The following KCNK10 variants were observed in gnomAD, a reference collection of about 807,000 sequenced individuals.
The protein encoded by KCNK10 is potassium two pore domain channel subfamily K member 10, also known as potassium channel subfamily K member 10.
A neutral mutation model predicts 47.7 loss-of-function variants in KCNK10; 25 were observed. That is an observed-to-expected ratio of 0.52 (90% confidence interval 0.38 to 0.73). The LOEUF (loss-of-function observed/expected upper bound fraction) is 0.73. Ranked by LOEUF, KCNK10 falls within the 30% of genes least tolerant of loss-of-function variation. The pLI is 0.00. For synonymous variants in KCNK10, 303 were observed against 285.6 expected (o/e 1.06, Z -0.61); for missense variants, 563 against 714.5 (o/e 0.79, Z 2.42).
intron 1 of KCNK10, among the ~76,000 whole-genome samples, chr14:88,286,787 G>C (rs1406013379): frequency 6.6e-6 from 1 of 152,020 alleles, no homozygotes; most frequent in Non-Finnish European, 1.5e-5. Flanking sequence ...GAACAGTATG[G>C]GGGAACCGCC....
Position 88,184,673 on chromosome 14 carries a change from G to A in KCNK10, c.*862C>T, listed in dbSNP as rs1406148989. 1 of 152,300 alleles carries A rather than the reference G, an allele frequency of 6.6e-6. No homozygotes were observed. The highest frequency in any genetic ancestry group is 2.4e-5 in the African/African-American group (1 of 41,438). 9.4% of individuals were successfully genotyped at this position (152,300 alleles called of 1,614,324 possible). A position where few individuals can be genotyped will look rare whatever the true frequency, so the allele number is the denominator to read the frequency against. On this transcript the variant is annotated 3_prime_UTR_variant, in exon 7 of 7. Transcript: ENST00000319231. ...ATTTCTACCCCTCTTATCAAAACAA[G>A]TTATAACCAAAGTACATGGACATTT...
chr14:88,190,416 G>T (rs552580512), intron 5 of KCNK10, among the ~76,000 whole-genome samples: 1 of 152,114 alleles, frequency 6.6e-6, no homozygotes, highest in African/African-American at 2.4e-5. Flanking sequence ...CCCACGGACC[G>T]GCTACGGATG....
At chr14:88,285,562 C>T (rs1887743395) in intron 1 of KCNK10, among the ~76,000 whole-genome samples, 1 of 152,176 alleles carries the variant, frequency 6.6e-6, no homozygotes, top group South Asian at 2.1e-4. Flanking sequence ...GCCATTAGCA[C>T]AGGATCTTGC....
chr14:88,183,247 T>G lies in KCNK10; in HGVS notation c.*2288A>C, dbSNP rs1466381840. The G allele has an allele frequency of 6.6e-6, 1 of 152,258 alleles. No individual in the cohort carries two copies. Among genetic ancestry groups the G allele is most frequent in the Non-Finnish European group, 1.5e-5 (1 of 68,046 alleles). 9.4% of individuals were successfully genotyped at this position (152,258 alleles called of 1,614,324 possible). A position where few individuals can be genotyped will look rare whatever the true frequency, so the allele number is the denominator to read the frequency against. On this transcript the variant is annotated 3_prime_UTR_variant, in exon 7 of 7. Transcript: ENST00000319231. ...TGCAAATACTTCCCACATAGTGTCGTGAAGTTTCAATGAGCTGACGTTCAT... is the reference window on the plus strand; with the variant it reads ...TGCAAATACTTCCCACATAGTGTCGGGAAGTTTCAATGAGCTGACGTTCAT...
chr14:88,285,427 T>G (rs2139776208), intron 1 of KCNK10, among the ~76,000 whole-genome samples: 1 of 152,312 alleles, frequency 6.6e-6, no homozygotes, highest in Middle Eastern at 3.4e-3. Flanking sequence ...AAGTTTTATT[T>G]TAACTATCAT....
intron 1 of KCNK10, among the ~76,000 whole-genome samples, chr14:88,268,182 C>T (rs551131560): frequency 7.2e-5 from 11 of 152,284 alleles, no homozygotes; most frequent in African/African-American, 2.4e-4. Flanking sequence ...GTTTAGCAAG[C>T]CCATCAAGGA....
intron 2 of KCNK10, among the ~76,000 whole-genome samples, chr14:88,261,056 C>T (rs948902611): frequency 6.6e-6 from 1 of 152,222 alleles, no homozygotes; most frequent in Non-Finnish European, 1.5e-5. Flanking sequence ...GCTCAGATAG[C>T]TTGTGACATC....
rs374783861 is a variant in KCNK10, at chr14:88,263,456, T to C, written c.148A>G (p.Ile50Val). The C allele has an allele frequency of 3.7e-5, 59 of 1,613,946 alleles. No individual in the cohort carries two copies. The highest frequency in any genetic ancestry group is 4.7e-5 in the Non-Finnish European group (56 of 1,180,040). ...GCTACCACTGTGGCTCGGGAGGAAA[T>C]GGACAGGCGCGGAGTTGGAGTCGGA... is the stretch of plus-strand genomic sequence containing the variant. ...PAPTPTPRLS[I>V]SSRATVVARM... is the part of the protein sequence containing the mutation. The change falls in exon 2 of 7, where the codon ATT (isoleucine) becomes GTT (valine). Residue 50 changes from isoleucine (I) to valine (V), a missense_variant. Coordinates refer to ENST00000319231, the MANE Select transcript of KCNK10 (RefSeq NM_138317.3).
At chr14:88,320,900 G>A (rs1888532376) in intron 1 of KCNK10, among the ~76,000 whole-genome samples, 1 of 152,102 alleles carries the variant, frequency 6.6e-6, no homozygotes, top group African/African-American at 2.4e-5. Context: ...AACAACACAG[G>A]GCTTGGAGGG....
chr14:88,239,305 G>A (rs567528566), intron 3 of KCNK10, among the ~76,000 whole-genome samples: 1 of 152,302 alleles, frequency 6.6e-6, no homozygotes, highest in Admixed American at 6.5e-5. Flanking sequence ...AGAGTGGATA[G>A]TGGAAGAGGG....
chr14:88,258,953 A>G (rs1053592064), intron 2 of KCNK10, among the ~76,000 whole-genome samples: 8 of 152,300 alleles, frequency 5.3e-5, no homozygotes, highest in African/African-American at 1.9e-4. Context: ...GCTTGGCTTT[A>G]TGAGGGGTTC....
intron 3 of KCNK10, among the ~76,000 whole-genome samples, chr14:88,233,594 G>GGGC (rs1297277676): frequency 2.6e-5 from 4 of 152,204 alleles, no homozygotes; most frequent in African/African-American, 9.6e-5. Flanking sequence ...CAGAATCCAA[G>GGGC]GGCTAAGAGC....
chr14:88,306,773 C>T (rs1394742957), intron 1 of KCNK10, among the ~76,000 whole-genome samples: 1 of 152,212 alleles, frequency 6.6e-6, no homozygotes, highest in Non-Finnish European at 1.5e-5. Context: ...AGAAGGATGA[C>T]ATTTCCTCCA....
chr14:88,290,567 G>A (rs1426895089), intron 1 of KCNK10, among the ~76,000 whole-genome samples: 1 of 152,188 alleles, frequency 6.6e-6, no homozygotes, highest in Non-Finnish European at 1.5e-5. Flanking sequence ...CGCAGACCAG[G>A]ATGGAGGTTC....
At chr14:88,256,699 G>C (rs1886966324) in intron 2 of KCNK10, among the ~76,000 whole-genome samples, 1 of 152,192 alleles carries the variant, frequency 6.6e-6, no homozygotes, top group African/African-American at 2.4e-5. Flanking sequence ...TCCAGAGTTT[G>C]AAGCCCAAGA....
chr14:88,208,600 C>A (rs1885358422), intron 4 of KCNK10, among the ~76,000 whole-genome samples: 1 of 152,120 alleles, frequency 6.6e-6, no homozygotes, highest in Non-Finnish European at 1.5e-5. Flanking sequence ...TCATGTACTG[C>A]ATTTTAAATG....
rs562013591 is a variant in KCNK10, at chr14:88,242,834, A to T, written c.403-2014T>A. 7.9e-5 allele frequency among the ~76,000 whole-genome samples: 12 copies of T among 152,314 alleles called. No homozygotes were observed. In the South Asian group the frequency reaches 2.1e-3, roughly 26 times the overall value. On this transcript the variant is annotated intron_variant, in intron 2 of 6. Transcript: ENST00000319231. ...TATCTTCATTATCAATTCAGCTCTG[A>T]TGAGCCCACTTGGAAATAATACCGC...
intron 5 of KCNK10, among the ~76,000 whole-genome samples, chr14:88,188,554 C>T (rs1884647363): frequency 6.6e-6 from 1 of 152,170 alleles, no homozygotes; most frequent in Admixed American, 6.5e-5. Flanking sequence ...ATCTTAAGCA[C>T]CCATACATTT....
At position 88,253,627 on chromosome 14, in the gene KCNK10, C is replaced by G. The variant is rs10135688; in HGVS notation, c.402+9575G>C. 2.0e-3 allele frequency among the ~76,000 whole-genome samples: 297 copies of G among 152,236 alleles called. 2 individuals are homozygous for G. Among genetic ancestry groups the G allele is most frequent in the African/African-American group, 6.8e-3 (281 of 41,556 alleles). Reference sequence around the variant, plus strand: ...TTAAAAAAAAAATCCTTAGCCGGCACAGTGGCTCACACCTGTAATCCCAAA... The same window carrying G: ...TTAAAAAAAAAATCCTTAGCCGGCAGAGTGGCTCACACCTGTAATCCCAAA... On this transcript the variant is annotated intron_variant, in intron 2 of 6. Coordinates refer to ENST00000319231, the MANE Select transcript of KCNK10 (RefSeq NM_138317.3).
Sources: allele counts gnomAD v4.1 joint callset (sites outside exome capture counted in the v4.1 genomes callset), GRCh38; gene constraint gnomAD v4.1.1; transcripts MANE v1.5; gene names NCBI Gene and HGNC (gene_info 2026-07-23, HGNC 2026-07-21).